Variants in XRCC4 observed in about 807,000 individuals in gnomAD.
XRCC4 encodes the protein X-ray repair cross complementing 4, also known as DNA repair protein XRCC4.
XRCC4 carries 28 observed loss-of-function variants against 39.1 expected under a neutral mutation model. That is an observed-to-expected ratio of 0.72 (90% CI 0.53 to 0.98). The LOEUF (loss-of-function observed/expected upper bound fraction) is 0.98. Among genes scored for constraint, XRCC4 ranks in the 50% least tolerant of loss-of-function variants. XRCC4 has a pLI of 0.00. For missense variants in XRCC4, 350 were observed against 376.4 expected, an observed-to-expected ratio of 0.93 and a Z score of 0.58; for synonymous variants, 123 against 126.4, an observed-to-expected ratio of 0.97 and a Z score of 0.18.
intron 3 of XRCC4, among the ~76,000 whole-genome samples, chr5:83,177,696 G>T (rs1750022488): frequency 1.3e-5 from 2 of 152,242 alleles, no homozygotes; most frequent in Non-Finnish European, 2.9e-5. Context: ...CAAGAAAAGA[G>T]AACGTGAAGA....
the XRCC4 span, among the ~76,000 whole-genome samples, chr5:83,363,681 T>G: frequency 3.3e-5 from 5 of 152,314 alleles, no homozygotes; most frequent in East Asian, 9.6e-4. Context: ...AGAGAGACTC[T>G]TTCTAGTACT....
Position 83,176,559 on chromosome 5 carries a change from G to T in XRCC4, c.316-19211G>T, listed in dbSNP as rs573232099. Among the ~76,000 whole-genome samples the T allele has an allele frequency of 3.9e-5, 6 of 152,174 alleles. No individual in the cohort carries two copies. In the East Asian group the frequency reaches 1.2e-3, roughly 29 times the overall value. On this transcript the variant is annotated intron_variant, in intron 3 of 7. Transcript: ENST00000396027. ...TTGTGACACAATGCCTCCCTTTCCT[G>T]GGCTAATTTGCAAAGATATATGTAT...
At chr5:83,102,244 TG>T (rs1317495072) in intron 1 of XRCC4, among the ~76,000 whole-genome samples, 7 of 152,086 alleles carry the variant, frequency 4.6e-5, no homozygotes, top group African/African-American at 1.7e-4. Context: ...GAGAATTTTG[TG>T]GAGATTAATC....
chr5:83,292,842 G>A (rs1243073690), intron 7 of XRCC4, among the ~76,000 whole-genome samples: 2 of 151,522 alleles, frequency 1.3e-5, no homozygotes, highest in South Asian at 2.1e-4. Flanking sequence ...TTTCTAGATT[G>A]GATGACAAAA....
intron 3 of XRCC4, among the ~76,000 whole-genome samples, chr5:83,117,640 TG>T (rs1746794298): frequency 2.2e-5 from 1 of 44,544 alleles, no homozygotes; most frequent in Non-Finnish European, 5.1e-5. Flanking sequence ...TATGTGTGTG[TG>T]TGTGTGTGTG....
At chr5:83,232,274 GT>G (rs1407097075) in intron 6 of XRCC4, among the ~76,000 whole-genome samples, 2 of 151,938 alleles carry the variant, frequency 1.3e-5, no homozygotes, top group Non-Finnish European at 2.9e-5. Context: ...CACCCTTTTA[GT>G]TAGTTGTGTA....
chr5:83,130,508 CT>C (rs1217770860), intron 3 of XRCC4, among the ~76,000 whole-genome samples: 3 of 152,214 alleles, frequency 2.0e-5, no homozygotes, highest in East Asian at 1.9e-4. Flanking sequence ...AGGATTCCCT[CT>C]TTTTTTATTG....
intron 7 of XRCC4, among the ~76,000 whole-genome samples, chr5:83,322,363 A>C (rs934291566): frequency 1.3e-5 from 2 of 152,066 alleles, no homozygotes; most frequent in Admixed American, 1.3e-4. Context: ...CAATGAAATT[A>C]TTTATGTTTT....
Position 83,254,824 on chromosome 5 carries a change from C to T in XRCC4, c.746-3706C>T, listed in dbSNP as rs149312215. Among the ~76,000 whole-genome samples, 1,017 of 152,204 alleles carry T rather than the reference C, an allele frequency of 6.7e-3. 11 individuals carry two copies. The highest frequency in any genetic ancestry group is 0.023 in the African/African-American group (962 of 41,526). ...AATGTAGACCAGGCGCGGTGGCTCA[C>T]GCCTGTAATCCCAGCGCTTTGGGAG... On this transcript the variant is annotated intron_variant, in intron 6 of 7. Coordinates refer to ENST00000396027, the MANE Select transcript of XRCC4 (RefSeq NM_003401.5).
At chr5:83,185,946 T>A (rs936604614) in intron 3 of XRCC4, among the ~76,000 whole-genome samples, 6 of 152,140 alleles carry the variant, frequency 3.9e-5, no homozygotes, top group Admixed American at 3.3e-4. Flanking sequence ...GCTCCACAAG[T>A]AATATTGCCA....
At chr5:83,308,225 G>A (rs542361276) in intron 7 of XRCC4, among the ~76,000 whole-genome samples, 1 of 152,138 alleles carries the variant, frequency 6.6e-6, no homozygotes, top group Non-Finnish European at 1.5e-5. Flanking sequence ...AGAAATTCTT[G>A]TGTAGTCATA....
intron 4 of XRCC4, among the ~76,000 whole-genome samples, chr5:83,200,731 T>C (rs1751153360): frequency 6.6e-6 from 1 of 152,160 alleles, no homozygotes; most frequent in South Asian, 2.1e-4. Context: ...AATTGTAATA[T>C]ATTTGTTTAT....
At chr5:83,147,809 GAC>G (rs570815729) in intron 3 of XRCC4, among the ~76,000 whole-genome samples, 51 of 119,022 alleles carry the variant, frequency 4.3e-4, no homozygotes, top group Non-Finnish European at 8.3e-4. Context: ...TTTTTTTTTT[GAC>G]ACACAGTTTA....
At chr5:83,332,270 A>ACACACAC (rs1756462877) in intron 7 of XRCC4, among the ~76,000 whole-genome samples, 2 of 128,640 alleles carry the variant, frequency 1.6e-5, no homozygotes, top group African/African-American at 6.0e-5. Flanking sequence ...CACACACAGA[A>ACACACAC]AGAGAGAGAG....
intron 7 of XRCC4, among the ~76,000 whole-genome samples, chr5:83,350,996 A>G (rs1410565643): frequency 1.3e-5 from 2 of 152,164 alleles, no homozygotes; most frequent in Admixed American, 1.3e-4. Flanking sequence ...CCCAAATCTC[A>G]TGTCTAATTG....
chr5:83,309,296 A>AAAAAAAATATATATATAT (rs1561467702), intron 7 of XRCC4, among the ~76,000 whole-genome samples: 2 of 72,228 alleles, frequency 2.8e-5, no homozygotes, highest in South Asian at 6.0e-4. Flanking sequence ...AAAAAAAAAA[A>AAAAAAAATATATATATAT]ATATATATAT....
chr5:83,282,509 A>G (rs1754579859), intron 7 of XRCC4, among the ~76,000 whole-genome samples: 1 of 151,966 alleles, frequency 6.6e-6, no homozygotes, highest in African/African-American at 2.4e-5. Flanking sequence ...TTAAGGTTCC[A>G]TGTGAGACTT....
At chr5:83,146,287 A>C (rs1222824460) in intron 3 of XRCC4, among the ~76,000 whole-genome samples, 1 of 152,184 alleles carries the variant, frequency 6.6e-6, no homozygotes. Flanking sequence ...GAGACTAAAC[A>C]ATCTGGCAAG....
chr5:83,098,891 T>G (rs950834064), intron 1 of XRCC4, among the ~76,000 whole-genome samples: 3 of 152,174 alleles, frequency 2.0e-5, no homozygotes, highest in Non-Finnish European at 1.5e-5. Context: ...TAAATTGTTG[T>G]GTGATTGTCT....
Sources: gnomAD v4.1 joint callset for allele counts (sites outside exome capture counted in the v4.1 genomes callset) on GRCh38, gnomAD v4.1.1 for gene constraint, MANE v1.5 for transcripts, NCBI Gene and HGNC (gene_info 2026-07-23, HGNC 2026-07-21) for gene names.